The following DMD variants were observed in gnomAD, a reference collection of about 807,000 sequenced individuals.
The protein encoded by DMD is dystrophin.
Under a neutral mutation model 330.1 loss-of-function variants are expected in DMD, and 63 were observed. The ratio of observed to expected loss-of-function variants is 0.19; its 90% CI spans 0.16 to 0.24. DMD has a LOEUF of 0.24. Ranked by LOEUF, DMD falls within the 10% of genes least tolerant of loss-of-function variation. The pLI is 1.00. For synonymous variants in DMD, 1,223 were observed against 959.8 expected (o/e 1.27, Z -5.07); for missense variants, 3,344 against 2,684.1 (o/e 1.25, Z -5.43).
At chrX:31,995,592 A>AG (rs2150336070) in intron 44 of DMD, among the ~76,000 whole-genome samples, 1 of 111,634 alleles carries the variant, frequency 9.0e-6, no homozygotes, top group South Asian at 3.7e-4. Flanking sequence ...ATGGAAAGGG[A>AG]GGAGGGAGGG....
chrX:33,293,428 C>A (rs1286076347), intron 1 of DMD, among the ~76,000 whole-genome samples: 1 of 111,745 alleles, frequency 8.9e-6, no homozygotes, highest in East Asian at 2.8e-4. Flanking sequence ...CTTCAACATA[C>A]AACTTCCATT....
intron 47 of DMD, among the ~76,000 whole-genome samples, chrX:31,886,840 G>A (rs1039870740): frequency 2.7e-5 from 3 of 111,819 alleles, no homozygotes; most frequent in Non-Finnish European, 5.6e-5. Context: ...AAAATTTTCT[G>A]CAATGAATAT....
chrX:31,646,238 A>G (rs770583017), intron 54 of DMD, among the ~76,000 whole-genome samples: 63 of 100,800 alleles, frequency 6.3e-4, no homozygotes, highest in African/African-American at 2.2e-3. Flanking sequence ...GTTCTATCAC[A>G]TTGTGTGTTG....
At chrX:32,206,273 G>T in intron 44 of DMD, 1 of 530,859 alleles carries the variant, frequency 1.9e-6, no homozygotes, top group Non-Finnish European at 3.4e-6. Flanking sequence ...AAGACGAACA[G>T]GAGGAGGATG....
chrX:32,725,460 C>G (rs1236660222), intron 7 of DMD, among the ~76,000 whole-genome samples: 1 of 110,439 alleles, frequency 9.1e-6, no homozygotes, highest in Non-Finnish European at 1.9e-5. Context: ...TATTCCATGC[C>G]AATGGAAACC....
intron 1 of DMD, among the ~76,000 whole-genome samples, chrX:33,063,498 C>T (rs1050340300): frequency 4.5e-5 from 5 of 111,630 alleles, no homozygotes; most frequent in African/African-American, 6.5e-5. Context: ...GGGTAAGGCT[C>T]GAGTTATGAA....
At chrX:31,788,529 A>T (rs761696438) in intron 50 of DMD, among the ~76,000 whole-genome samples, 4 of 111,353 alleles carry the variant, frequency 3.6e-5, no homozygotes, top group Non-Finnish European at 5.7e-5. Context: ...TGTGCACTTG[A>T]TAAGAATGTA....
chrX:31,695,771 T>C (rs2083422079), intron 52 of DMD, among the ~76,000 whole-genome samples: 3 of 110,417 alleles, frequency 2.7e-5, no homozygotes, highest in African/African-American at 6.6e-5. Flanking sequence ...AAAGCTGCAG[T>C]GGTGGGTGGA....
rs1425593467 is a variant in DMD, at chrX:32,846,475, C to T, written c.187-1615G>A. On this transcript the variant is annotated intron_variant, in intron 3 of 78. Transcript: ENST00000357033. ...TAGAACTCCTTATCATTTGCACTGC[C>T]TGCTGAACAACCCAAATTAAGCTAA... Among the ~76,000 whole-genome samples the T allele has an allele frequency of 9.0e-5, 10 of 111,061 alleles. No homozygotes were observed. The South Asian group carries it at 3.4e-3, about 38-fold the overall frequency.
chrX:32,165,235 G>A (rs913754337), intron 44 of DMD, among the ~76,000 whole-genome samples: 3 of 112,553 alleles, frequency 2.7e-5, no homozygotes, highest in Non-Finnish European at 5.6e-5. Context: ...TGGAAAAGCT[G>A]CAGACACTCA....
At chrX:31,485,975 G>A (rs2068768785) in intron 57 of DMD, among the ~76,000 whole-genome samples, 1 of 112,344 alleles carries the variant, frequency 8.9e-6, no homozygotes, top group Admixed American at 9.4e-5. Context: ...TGGGCTTCAA[G>A]CCTGGGCTGG....
At chrX:32,237,374 A>G (rs2097191986) in intron 43 of DMD, among the ~76,000 whole-genome samples, 1 of 110,672 alleles carries the variant, frequency 9.0e-6, no homozygotes, top group African/African-American at 3.3e-5. Context: ...TTTCTTGGTA[A>G]CAAAATTCCT....
chrX:32,138,110 T>C (rs1465744225), intron 44 of DMD, among the ~76,000 whole-genome samples: 4 of 110,091 alleles, frequency 3.6e-5, no homozygotes, highest in African/African-American at 1.3e-4. Flanking sequence ...TCGTCCCCAG[T>C]TGGAGACAAG....
intron 4 of DMD, among the ~76,000 whole-genome samples, chrX:32,830,817 G>C (rs5928084): frequency 0.47 from 51,621 of 109,628 alleles, 9,054 homozygotes; most frequent in Admixed American, 0.54. Flanking sequence ...AAACCTCCAT[G>C]GTTTGCTTTG....
intron 60 of DMD, among the ~76,000 whole-genome samples, chrX:31,408,075 G>A (rs1256141284): frequency 8.9e-6 from 1 of 112,357 alleles, no homozygotes; most frequent in Non-Finnish European, 1.9e-5. Flanking sequence ...TATGAGAGAA[G>A]GCATCATGAG....
chrX:31,489,364 G>A (rs1167856310), intron 57 of DMD, among the ~76,000 whole-genome samples: 3 of 111,568 alleles, frequency 2.7e-5, no homozygotes, highest in Non-Finnish European at 5.7e-5. Context: ...AACTCTTGAC[G>A]TCCAGGGATC....
chrX:32,707,257 G>A (rs760174822), intron 7 of DMD, among the ~76,000 whole-genome samples: 8 of 112,163 alleles, frequency 7.1e-5, no homozygotes, highest in Non-Finnish European at 1.3e-4. Context: ...GACTGTAATG[G>A]GAAAGGAAGT....
At chrX:31,569,967 T>C (rs2075723564) in intron 55 of DMD, among the ~76,000 whole-genome samples, 2 of 110,986 alleles carry the variant, frequency 1.8e-5, no homozygotes, top group South Asian at 7.6e-4. Context: ...GAGAGATTTA[T>C]CTAAACATTT....
intron 2 of DMD, among the ~76,000 whole-genome samples, chrX:32,888,711 G>A (rs1467803303): frequency 2.7e-5 from 3 of 111,778 alleles, no homozygotes; most frequent in Non-Finnish European, 5.6e-5. Flanking sequence ...CTGCACACCC[G>A]TGTTTATTGT....
Sources: allele counts gnomAD v4.1 joint callset (sites outside exome capture counted in the v4.1 genomes callset), GRCh38; gene constraint gnomAD v4.1.1; transcripts MANE v1.5; gene names NCBI Gene and HGNC (gene_info 2026-07-23, HGNC 2026-07-21).